Variants in SPTA1 observed in about 807,000 individuals in gnomAD.
SPTA1 encodes spectrin alpha, erythrocytic 1.
A neutral mutation model predicts 324.7 loss-of-function variants in SPTA1; 177 were observed. The ratio of observed to expected loss-of-function variants is 0.55; its 90% CI spans 0.48 to 0.62. The LOEUF is 0.62. Ranked by LOEUF, SPTA1 falls within the 20% of genes least tolerant of loss-of-function variation. SPTA1 has a pLI of 0.00. For synonymous variants in SPTA1, 1,195 were observed against 1,041.3 expected (o/e 1.15, Z -2.84); for missense variants, 3,162 against 2,883.6 (o/e 1.10, Z -2.21).
chr1:158,656,315 G>T (rs563274781), intron 20 of SPTA1, among the ~76,000 whole-genome samples: 1 of 152,248 alleles, frequency 6.6e-6, no homozygotes, highest in South Asian at 2.1e-4. Flanking sequence ...AATATAAAAG[G>T]AAGGAAAGAG....
intron 25 of SPTA1, 79 bp from the exon 26 acceptor site, chr1:158,648,732 T>A (rs1250798957): frequency 2.0e-6 from 3 of 1,516,306 alleles, no homozygotes; most frequent in Non-Finnish European, 1.8e-6. Context: ...AAGAAAGTTA[T>A]CATCACTACC....
intron 14 of SPTA1, among the ~76,000 whole-genome samples, chr1:158,669,156 A>G (rs1489143780): frequency 6.6e-6 from 1 of 152,198 alleles, no homozygotes; most frequent in Non-Finnish European, 1.5e-5. Flanking sequence ...CATTTGGCTA[A>G]GAATCACCAG....
At chr1:158,673,643 C>T (rs1654184787) in intron 10 of SPTA1, among the ~76,000 whole-genome samples, 1 of 152,098 alleles carries the variant, frequency 6.6e-6, no homozygotes, top group Admixed American at 6.6e-5. Context: ...CTGTGGGGAA[C>T]CCAGAAATGA....
chr1:158,680,519 G>T, intron 5 of SPTA1, 64 bp downstream of exon 5: 1 of 1,607,158 alleles, frequency 6.2e-7, no homozygotes, highest in Non-Finnish European at 8.5e-7. Flanking sequence ...TCTACTAATG[G>T]CCAGAAGTTA....
chr1:158,673,297 A>G (rs913256396), intron 10 of SPTA1, among the ~76,000 whole-genome samples: 3 of 152,190 alleles, frequency 2.0e-5, no homozygotes, highest in African/African-American at 7.2e-5. Context: ...AACCTCATCC[A>G]CTGCACAGTG....
chr1:158,642,764 C>G (rs778576655), intron 32 of SPTA1, 50 bp downstream of exon 32: 3 of 1,613,310 alleles, frequency 1.9e-6, no homozygotes, highest in Non-Finnish European at 2.5e-6. Flanking sequence ...ACTATCCAAC[C>G]AACAAGCTCG....
In SPTA1 at chr1:158,636,675, T is replaced by C; in HGVS notation, c.5276A>G (p.Glu1759Gly). 1 of 1,614,116 alleles carries C rather than the reference T, an allele frequency of 6.2e-7. No homozygotes were observed. Among genetic ancestry groups the C allele is most frequent in the Non-Finnish European group, 8.5e-7 (1 of 1,180,010 alleles). ...AGGCTCATGGGCCACCAGCTCCCCC[T>C]CTAGGCGTTTGTGCTTCTTCAGCAA... ...QNLLKKHKRLEGELVAHEPAI... is the reference protein window; with the variant it reads ...QNLLKKHKRLGGELVAHEPAI... Residue 1759 changes from glutamate to glycine, a missense_variant, in exon 37 of 52, where the codon GAG (glutamate) becomes GGG (glycine). Physicochemically the swap from Glu to Gly is moderately conservative, Grantham distance 98 (BLOSUM62 -2). Coordinates refer to ENST00000643759, the MANE Select transcript of SPTA1 (RefSeq NM_003126.4).
At chr1:158,649,738 G>A in intron 25 of SPTA1, 118 bp downstream of exon 25, 1 of 831,130 alleles carries the variant, frequency 1.2e-6, no homozygotes, top group South Asian at 1.5e-5. Flanking sequence ...TTTTCTATTG[G>A]CACATTGTCT....
At position 158,612,940 on chromosome 1, in the gene SPTA1, C is replaced by T; in HGVS notation, c.7011G>A (p.Glu2337=). ...TGTCAATCAGGAAAGCAGTATAGTC[C>T]TCCAGTGAGACATAGCCCTTCCTGT... is the stretch of plus-strand genomic sequence containing the variant. ...DPGRKGYVSL[E]DYTAFLIDKE... is the part of the protein sequence containing the mutation. The change falls in exon 51 of 52, where the codon GAG becomes GAA. Residue 2337 remains glutamate (E), a synonymous_variant. Coordinates refer to ENST00000643759, the MANE Select transcript of SPTA1 (RefSeq NM_003126.4). The T allele has an allele frequency of 6.2e-7, 1 of 1,613,880 alleles. No homozygotes were observed. The highest frequency in any genetic ancestry group is 8.5e-7 in the Non-Finnish European group (1 of 1,179,876).
intron 37 of SPTA1, 124 bp downstream of exon 37, chr1:158,636,517 G>A: frequency 9.0e-7 from 1 of 1,114,330 alleles, no homozygotes; most frequent in Non-Finnish European, 1.3e-6. Flanking sequence ...TAAACTCTTT[G>A]ACTAACTCTC....
chr1:158,614,166 C>G (rs1379360642), intron 49 of SPTA1, 87 bp downstream of exon 49: 1 of 1,117,360 alleles, frequency 8.9e-7, no homozygotes, highest in Non-Finnish European at 1.4e-6. Flanking sequence ...TCCACCAAGC[C>G]TCACAGAGTG....
At chr1:158,650,396 A>G (rs1652336613) in intron 24 of SPTA1, among the ~76,000 whole-genome samples, 1 of 152,230 alleles carries the variant, frequency 6.6e-6, no homozygotes, top group African/African-American at 2.4e-5. Flanking sequence ...TTCTTATCCC[A>G]TAACAACCAC....
At chr1:158,612,460 A>G in intron 51 of SPTA1, 2 of 326,212 alleles carry the variant, frequency 6.1e-6, no homozygotes, top group Non-Finnish European at 1.2e-5. Context: ...TGTCTTCCCC[A>G]CTACACCTGA....
chr1:158,651,487 C>A lies in SPTA1; in HGVS notation c.3376-19G>T. ...TCAAATCCTGAATGGGAAAATTCAT[C>A]CAAAGCAGTGTAAATTCATCCAAAG... is the stretch of plus-strand genomic sequence containing the variant. On this transcript the variant is annotated intron_variant, in intron 23 of 51. Coordinates refer to ENST00000643759, the MANE Select transcript of SPTA1 (RefSeq NM_003126.4). 1 of 1,531,662 alleles carries A rather than the reference C, an allele frequency of 6.5e-7. No homozygotes were observed. The highest frequency in any genetic ancestry group is 9.0e-7 in the Non-Finnish European group (1 of 1,105,876). 94.9% of individuals were successfully genotyped at this position (1,531,662 alleles called of 1,614,324 possible).
At chr1:158,669,276 C>T (rs1653828949) in intron 14 of SPTA1, 132 bp downstream of exon 14, 2 of 1,277,572 alleles carry the variant, frequency 1.6e-6, no homozygotes. Flanking sequence ...TTGCCCTTTT[C>T]TGAGCCTCTG....
intron 48 of SPTA1, chr1:158,614,627 C>T: frequency 3.9e-6 from 1 of 258,932 alleles, no homozygotes; most frequent in Non-Finnish European, 7.3e-6. Context: ...CACGGTCATT[C>T]ACTTATCATA....
chr1:158,629,596 A>C (rs1650548292), intron 39 of SPTA1, among the ~76,000 whole-genome samples: 1 of 152,074 alleles, frequency 6.6e-6, no homozygotes, highest in Non-Finnish European at 1.5e-5. Flanking sequence ...GGTGAAACTA[A>C]AAGCTTTTCC....
intron 17 of SPTA1, 80 bp downstream of exon 17, chr1:158,662,621 CA>C: frequency 6.3e-7 from 1 of 1,597,760 alleles, no homozygotes; most frequent in South Asian, 1.1e-5. Context: ...TTCTAGACTC[CA>C]ACTACTGTAC....
In SPTA1 at chr1:158,686,576, A is replaced by AG. The variant is rs60465109; in HGVS notation, c.-60_-59insC. On this transcript the variant is annotated 5_prime_UTR_variant, in exon 1 of 52. The change creates a premature stop within an existing upstream ORF in the 5' untranslated region. Coordinates refer to ENST00000643759, the MANE Select transcript of SPTA1 (RefSeq NM_003126.4). ...ATGTGTCAGAGAGAGAGAGAGAGAGAAATAATTCAAATGGAACTGTCCAGT... is the reference window on the plus strand; with the variant it reads ...ATGTGTCAGAGAGAGAGAGAGAGAGAGAATAATTCAAATGGAACTGTCCAGT... 5.3e-5 allele frequency: 71 copies of AG among 1,331,364 alleles called. No individual in the cohort carries two copies. In the East Asian group the frequency reaches 6.4e-4, roughly 12 times the overall value. The allele number at this position is 1,331,364 out of a possible 1,614,324, so 82.5% of individuals were successfully genotyped here.
Sources: gnomAD v4.1 joint callset for allele counts (sites outside exome capture counted in the v4.1 genomes callset) on GRCh38, gnomAD v4.1.1 for gene constraint, MANE v1.5 for transcripts, NCBI Gene and HGNC (gene_info 2026-07-23, HGNC 2026-07-21) for gene names.